LINGO2: variants seen among roughly 807,000 people sequenced by gnomAD.
LINGO2 encodes leucine rich repeat and Ig domain containing 2.
LINGO2 carries 14 observed loss-of-function variants against 30.6 expected under a neutral mutation model. The observed-to-expected ratio is 0.46, with a 90% CI of 0.30 to 0.72. The LOEUF (loss-of-function observed/expected upper bound fraction) is 0.72, where lower values mean the gene tolerates loss of function less well. Among genes scored for constraint, LINGO2 ranks in the 30% least tolerant of loss-of-function variants. The pLI, the probability that LINGO2 is intolerant of heterozygous loss-of-function variation, is 0.07. For missense variants in LINGO2, 729 were observed against 751.7 expected (o/e 0.97, Z 0.35); for synonymous variants, 317 against 288.5 (o/e 1.10, Z -1.00).
chr9:29,160,946 T>C, the LINGO2 span, among the ~76,000 whole-genome samples: 1 of 152,250 alleles, frequency 6.6e-6, no homozygotes. Flanking sequence ...AAGGTATAAA[T>C]GCCCTGCTGA....
At chr9:29,134,860 G>T in the LINGO2 span, among the ~76,000 whole-genome samples, 1 of 151,854 alleles carries the variant, frequency 6.6e-6, no homozygotes, top group African/African-American at 2.4e-5. Flanking sequence ...ATCTTTAAGA[G>T]ATTTTGATTT....
At chr9:27,956,026 G>A (rs530547653) in intron 5 of LINGO2, among the ~76,000 whole-genome samples, 5 of 140,464 alleles carry the variant, frequency 3.6e-5, no homozygotes, top group Non-Finnish European at 6.0e-5. Context: ...TGCAACCTCC[G>A]CCTCCTGCGT....
At chr9:29,149,546 C>CTTG in the LINGO2 span, among the ~76,000 whole-genome samples, 1 of 151,836 alleles carries the variant, frequency 6.6e-6, no homozygotes, top group Non-Finnish European at 1.5e-5. Flanking sequence ...AGTCGGGAAC[C>CTTG]TTGTGCAAGG....
At chr9:29,183,895 C>CT in the LINGO2 span, among the ~76,000 whole-genome samples, 25,275 of 146,904 alleles carry the variant, frequency 0.17, 2,208 homozygotes, top group East Asian at 0.38. Context: ...CTACCTGTTT[C>CT]TTTTTTTTTT....
chr9:28,427,153 A>C (rs1223580344), intron 2 of LINGO2, among the ~76,000 whole-genome samples: 1 of 152,142 alleles, frequency 6.6e-6, no homozygotes, highest in Non-Finnish European at 1.5e-5. Flanking sequence ...CTTCCCATGC[A>C]GTAAACATTA....
Position 28,525,916 on chromosome 9 carries a change from C to T in LINGO2, c.-364-49891G>A, listed in dbSNP as rs527580472. Among the ~76,000 whole-genome samples the T allele has an allele frequency of 1.6e-4, 25 of 151,724 alleles. No homozygotes were observed. The East Asian group carries it at 3.1e-3, about 19-fold the overall frequency. On this transcript the variant is annotated intron_variant, in intron 1 of 5. Coordinates refer to ENST00000379992, the Ensembl canonical transcript of LINGO2. The stretch of plus-strand genomic sequence containing the variant: ...TAAGAATACAAAAAAATTAGCGGGG[C>T]GTGGTGGCGGGCGCTTGCAGTCCCA...
intron 4 of LINGO2, among the ~76,000 whole-genome samples, chr9:28,073,280 C>T (rs1825534006): frequency 6.6e-6 from 1 of 152,122 alleles, no homozygotes; most frequent in African/African-American, 2.4e-5. Context: ...TTAATTTCTT[C>T]ACATTTTCCT....
chr9:28,813,519 C>A, the LINGO2 span, among the ~76,000 whole-genome samples: 10 of 152,042 alleles, frequency 6.6e-5, no homozygotes, highest in Admixed American at 4.6e-4. Context: ...AACTACTGTA[C>A]AAACCTCAAT....
chr9:27,981,310 T>A (rs1820841691), intron 5 of LINGO2, among the ~76,000 whole-genome samples: 1 of 151,386 alleles, frequency 6.6e-6, no homozygotes, highest in Non-Finnish European at 1.5e-5. Flanking sequence ...TATCTCCATT[T>A]ACAGATAAGA....
At chr9:28,169,189 C>T (rs1257359174) in intron 4 of LINGO2, among the ~76,000 whole-genome samples, 1 of 152,114 alleles carries the variant, frequency 6.6e-6, no homozygotes, top group Non-Finnish European at 1.5e-5. Flanking sequence ...TTTAACAACT[C>T]AATTCACTCT....
intron 4 of LINGO2, among the ~76,000 whole-genome samples, chr9:28,034,314 G>T (rs1477134029): frequency 6.6e-6 from 1 of 152,164 alleles, no homozygotes; most frequent in Non-Finnish European, 1.5e-5. Context: ...CTTTCTTTTC[G>T]GAATTCTGCT....
chr9:29,031,397 C>T, the LINGO2 span, among the ~76,000 whole-genome samples: 1 of 152,046 alleles, frequency 6.6e-6, no homozygotes, highest in African/African-American at 2.4e-5. Flanking sequence ...ATTCTTCAGC[C>T]TCAGCCTCTC....
chr9:29,131,447 T>C, the LINGO2 span, among the ~76,000 whole-genome samples: 1 of 152,054 alleles, frequency 6.6e-6, no homozygotes, highest in Admixed American at 6.6e-5. Context: ...TTTGTTTATC[T>C]CCATTATCAT....
At chr9:28,291,933 G>A (rs1357711178) in intron 4 of LINGO2, among the ~76,000 whole-genome samples, 3 of 152,136 alleles carry the variant, frequency 2.0e-5, no homozygotes, top group African/African-American at 7.2e-5. Flanking sequence ...AGATAAAGCA[G>A]CCAAAGAAAA....
intron 2 of LINGO2, among the ~76,000 whole-genome samples, chr9:28,380,510 C>T (rs995535516): frequency 2.6e-5 from 4 of 151,094 alleles, no homozygotes; most frequent in Admixed American, 2.0e-4. Flanking sequence ...CTTCAAGGTA[C>T]AGAAGAGTCA....
chr9:28,451,854 C>T (rs1170917360), intron 2 of LINGO2, among the ~76,000 whole-genome samples: 1 of 151,440 alleles, frequency 6.6e-6, no homozygotes, highest in Non-Finnish European at 1.5e-5. Context: ...AAAATTCCAA[C>T]TGAATATGTG....
intron 4 of LINGO2, among the ~76,000 whole-genome samples, chr9:28,200,654 G>A (rs575137636): frequency 6.6e-6 from 1 of 152,280 alleles, no homozygotes; most frequent in East Asian, 1.9e-4. Context: ...GAGTTTAGTT[G>A]TTTTGTAAAG....
chr9:28,386,153 G>A (rs1193000992), intron 2 of LINGO2, among the ~76,000 whole-genome samples: 1 of 152,112 alleles, frequency 6.6e-6, no homozygotes, highest in African/African-American at 2.4e-5. Flanking sequence ...AAGGTGTAGT[G>A]TATCTCTGTT....
the LINGO2 span, among the ~76,000 whole-genome samples, chr9:29,132,210 C>T: frequency 3.3e-4 from 50 of 151,874 alleles, no homozygotes; most frequent in African/African-American, 1.1e-3. Context: ...TCACGTTCCT[C>T]GAGGGGGGGA....
Sources: gnomAD v4.1 joint callset for allele counts (sites outside exome capture counted in the v4.1 genomes callset) on GRCh38, gnomAD v4.1.1 for gene constraint, MANE v1.5 for transcripts, NCBI Gene and HGNC (gene_info 2026-07-23, HGNC 2026-07-21) for gene names.